SLC8A1: variants seen among roughly 807,000 people sequenced by gnomAD.
SLC8A1 encodes solute carrier family 8 member A1.
In SLC8A1, 18 loss-of-function variants were observed where a neutral mutation model predicts 68.3. The ratio of observed to expected loss-of-function variants is 0.26; its 90% CI spans 0.18 to 0.39. The LOEUF (loss-of-function observed/expected upper bound fraction) is 0.39. SLC8A1 is among the 10% of genes least tolerant of loss of function. SLC8A1 has a pLI of 1.00. For synonymous variants in SLC8A1, 475 were observed against 415.5 expected (o/e 1.14, Z -1.74); for missense variants, 985 against 1,156.7 (o/e 0.85, Z 2.15).
intron 1 of SLC8A1, among the ~76,000 whole-genome samples, chr2:40,442,726 C>G (rs774744330): frequency 2.0e-5 from 3 of 152,134 alleles, no homozygotes; most frequent in Non-Finnish European, 4.4e-5. Flanking sequence ...ACCAGAAATA[C>G]CATTTGACCT....
At chr2:40,500,061 T>C (rs1294119829) in intron 1 of SLC8A1, among the ~76,000 whole-genome samples, 1 of 152,074 alleles carries the variant, frequency 6.6e-6, no homozygotes, top group African/African-American at 2.4e-5. Context: ...GTGGTTTGTG[T>C]ACACATGTAA....
intron 7 of SLC8A1, among the ~76,000 whole-genome samples, chr2:40,132,090 G>T (rs2148214127): frequency 6.6e-6 from 1 of 151,814 alleles, no homozygotes; most frequent in African/African-American, 2.4e-5. Context: ...TCTTACTGTT[G>T]CATGCCTTAA....
In SLC8A1 at chr2:40,200,758, G is replaced by T. The variant is rs1469453878; in HGVS notation, c.1809-22903C>A. Among the ~76,000 whole-genome samples, 3 of 151,690 alleles carry T rather than the reference G, an allele frequency of 2.0e-5. No homozygotes were observed. The Admixed American group carries it at 2.0e-4, about 10-fold the overall frequency. ...AACTATTGCCGTGAGCCAGAAGAAG[G>T]AATTTTTTTCTTTTAGCTTTAGAGA... On this transcript the variant is annotated intron_variant, in intron 2 of 7. Coordinates refer to ENST00000406785, the Ensembl canonical transcript of SLC8A1.
intron 2 of SLC8A1, among the ~76,000 whole-genome samples, chr2:40,388,430 T>C (rs1443652448): frequency 3.3e-5 from 5 of 152,090 alleles, no homozygotes; most frequent in Non-Finnish European, 7.4e-5. Context: ...TGACTAATGA[T>C]AGAGAAAATA....
At chr2:40,200,218 ATTTTT>A (rs375555173) in intron 2 of SLC8A1, among the ~76,000 whole-genome samples, 18 of 25,412 alleles carry the variant, frequency 7.1e-4, no homozygotes, top group African/African-American at 1.1e-3. Context: ...ATATATATAT[ATTTTT>A]TTATATATAT....
chr2:40,468,392 ATTAC>A (rs543383791), intron 1 of SLC8A1, among the ~76,000 whole-genome samples: 6 of 152,130 alleles, frequency 3.9e-5, no homozygotes, highest in Non-Finnish European at 8.8e-5. Flanking sequence ...CTAATTGACA[ATTAC>A]TTAGTTTATT....
At chr2:40,338,798 A>G (rs1666814848) in intron 2 of SLC8A1, among the ~76,000 whole-genome samples, 1 of 152,236 alleles carries the variant, frequency 6.6e-6, no homozygotes, top group Non-Finnish European at 1.5e-5. Context: ...TATCATATGT[A>G]TTACAGGAAT....
chr2:40,453,190 T>C (rs1460483791), upstream of SLC8A1: 1 of 152,186 alleles, frequency 6.6e-6, no homozygotes, highest in South Asian at 2.1e-4. Flanking sequence ...CTGTAGAATC[T>C]GAGGCCGAAT....
intron 4 of SLC8A1, 121 bp downstream of exon 7, chr2:40,170,160 C>G: frequency 3.5e-6 from 3 of 849,890 alleles, no homozygotes; most frequent in South Asian, 1.7e-5. Flanking sequence ...GCCAGAGAAG[C>G]TGCAGCATTA....
At chr2:40,219,635 GT>G (rs1321040116) in intron 2 of SLC8A1, among the ~76,000 whole-genome samples, 6 of 152,074 alleles carry the variant, frequency 3.9e-5, no homozygotes, top group Admixed American at 3.9e-4. Context: ...ACAATTATAA[GT>G]TTTTTTCTTC....
exon 2 of SLC8A1, chr2:40,429,482 G>T (rs777311863): frequency 2.5e-6 from 4 of 1,613,738 alleles, no homozygotes; most frequent in East Asian, 2.2e-5. Flanking sequence ...TTGCCAGCTC[G>T]ATACCTCTTG....
intron 2 of SLC8A1, among the ~76,000 whole-genome samples, chr2:40,236,052 G>C (rs951517001): frequency 5.9e-5 from 9 of 152,000 alleles, no homozygotes; most frequent in African/African-American, 1.9e-4. Flanking sequence ...GGTGTGGTGT[G>C]GTGCTGAAAA....
Position 40,481,550 on chromosome 2 carries a change from CCTT to C in SLC8A1, c.-25+30796_-25+30798del, listed in dbSNP as rs1378252331. 3.3e-5 allele frequency among the ~76,000 whole-genome samples: 5 copies of C among 152,260 alleles called. No individual in the cohort carries two copies. In the East Asian group the frequency reaches 9.7e-4, roughly 29 times the overall value. On this transcript the variant is annotated intron_variant, in intron 1 of 7. Coordinates refer to the SLC8A1 transcript ENST00000402441. The stretch of plus-strand genomic sequence containing the variant: ...GTAGGATGTCTGATAACTGTTAGAT[CCTT>C]CTTCTTTCTCTGTAAGAACCATAGT...
intron 2 of SLC8A1, among the ~76,000 whole-genome samples, chr2:40,236,751 C>T (rs7423596): frequency 0.81 from 121,839 of 151,076 alleles, 49,936 homozygotes; most frequent in Admixed American, 0.87. Flanking sequence ...GTTGTTCCTT[C>T]CCATGTTTAG....
At chr2:40,110,773 C>G (rs1447727481) in exon 8 of SLC8A1, 6 of 152,124 alleles carry the variant, frequency 3.9e-5, no homozygotes, top group Non-Finnish European at 7.4e-5. Context: ...CTCCATATCC[C>G]CAGCCCAAAA....
chr2:40,196,555 G>C (rs1558705304), intron 2 of SLC8A1, among the ~76,000 whole-genome samples: 1 of 151,998 alleles, frequency 6.6e-6, no homozygotes, highest in Admixed American at 6.6e-5. Flanking sequence ...ATGCGTAGAT[G>C]AAAGGTGAGC....
At chr2:40,464,568 T>G (rs1410262951) in intron 1 of SLC8A1, among the ~76,000 whole-genome samples, 1 of 152,240 alleles carries the variant, frequency 6.6e-6, no homozygotes, top group East Asian at 1.9e-4. Context: ...AATCTTAGCT[T>G]CCAGCTTTCT....
intron 1 of SLC8A1, among the ~76,000 whole-genome samples, chr2:40,467,797 C>T (rs1703780665): frequency 6.6e-6 from 1 of 152,160 alleles, no homozygotes; most frequent in South Asian, 2.1e-4. Flanking sequence ...TTATCTATTA[C>T]ATTAATGATA....
exon 8 of SLC8A1, chr2:40,105,083 G>A (rs1319184986): frequency 6.6e-6 from 1 of 152,048 alleles, no homozygotes; most frequent in African/African-American, 2.4e-5. Context: ...ACAAGTTCTG[G>A]AATGCCTGTT....
Sources: allele counts gnomAD v4.1 joint callset (sites outside exome capture counted in the v4.1 genomes callset), GRCh38; gene constraint gnomAD v4.1.1; transcripts MANE v1.5; gene names NCBI Gene and HGNC (gene_info 2026-07-23, HGNC 2026-07-21).